The following ADPRHL1 variants were observed in gnomAD, a reference collection of about 807,000 sequenced individuals.
ADPRHL1 encodes the protein inactive ADP-ribosyltransferase ARH2.
In ADPRHL1, 43 loss-of-function variants were observed where a neutral mutation model predicts 44.1. The ratio of observed to expected loss-of-function variants is 0.98; its 90% CI spans 0.76 to 1.26. ADPRHL1 has a LOEUF of 1.26. ADPRHL1 is among the 50% of genes most tolerant of loss of function. The pLI is 0.00. For synonymous variants in ADPRHL1, 878 were observed against 1,017.4 expected, an observed-to-expected ratio of 0.86 and a Z score of 2.61; for missense variants, 2,022 against 2,496.9, an observed-to-expected ratio of 0.81 and a Z score of 4.05.
chr13:113,453,205 C>A lies in ADPRHL1; in HGVS notation c.214+19G>T. The A allele has an allele frequency of 2.5e-6, 4 of 1,612,822 alleles. No individual in the cohort carries two copies. The highest frequency in any genetic ancestry group is 4.5e-5 in the East Asian group (2 of 44,884). On this transcript the variant is annotated intron_variant, in intron 1 of 7. Transcript: ENST00000612156. This position sits in a 1 kb window ranked among gnomAD's most constrained non-coding sequence, Gnocchi z 5.4. ...GTTCCCTCCAGCCCGCACACCGGAG[C>A]GCGGTGGGCCCAGCCTACCTGTGGT...
intron 3 of ADPRHL1, among the ~76,000 whole-genome samples, chr13:113,432,213 TC>T (rs2044012334): frequency 6.6e-6 from 1 of 152,080 alleles, no homozygotes; most frequent in South Asian, 2.1e-4. Flanking sequence ...AGCCCCAACA[TC>T]CTGGGTTCAG....
At chr13:113,448,705 G>C (rs2044159094) in intron 1 of ADPRHL1, among the ~76,000 whole-genome samples, 1 of 152,234 alleles carries the variant, frequency 6.6e-6, no homozygotes, top group South Asian at 2.1e-4. Context: ...CATCCTGCTG[G>C]GCCCTGAAGT....
chr13:113,427,946 A>C (rs752350359), intron 4 of ADPRHL1, among the ~76,000 whole-genome samples: 1 of 152,164 alleles, frequency 6.6e-6, no homozygotes, highest in Non-Finnish European at 1.5e-5. Flanking sequence ...AGGGGAAATA[A>C]AGCGATTCAC....
chr13:113,447,209 C>G (rs1234135010), intron 1 of ADPRHL1, among the ~76,000 whole-genome samples: 1 of 127,248 alleles, frequency 7.9e-6, no homozygotes, highest in African/African-American at 3.2e-5. Flanking sequence ...GTTGTGTGTG[C>G]ATGGCGTCTA....
At position 113,445,969 on chromosome 13, in the gene ADPRHL1, A is replaced by G. The variant is rs554975481; in HGVS notation, c.215-1380T>C. 1.9e-4 allele frequency among the ~76,000 whole-genome samples: 29 copies of G among 151,424 alleles called. No homozygotes were observed. In the South Asian group the frequency reaches 4.6e-3, roughly 24 times the overall value. ...GGACCATGGCTGCAAACCCCTGGAGAGAGTGCACAGGATCCTGAGGCTGCA... is the reference window on the plus strand; with the variant it reads ...GGACCATGGCTGCAAACCCCTGGAGGGAGTGCACAGGATCCTGAGGCTGCA... On this transcript the variant is annotated intron_variant, in intron 1 of 7. Coordinates refer to ENST00000612156, the MANE Select transcript of ADPRHL1 (RefSeq NM_001394807.1).
chr13:113,428,888 A>G (rs1247834130), intron 4 of ADPRHL1, 64 bp downstream of exon 4: 4 of 1,597,784 alleles, frequency 2.5e-6, no homozygotes, highest in Non-Finnish European at 2.6e-6. Flanking sequence ...TTGGGGGCCC[A>G]TGGAGGGGCT....
chr13:113,418,102 G>A (rs1469036997), intron 7 of ADPRHL1, among the ~76,000 whole-genome samples: 1 of 152,196 alleles, frequency 6.6e-6, no homozygotes, highest in Admixed American at 6.5e-5. Context: ...GAGAAGGCTT[G>A]AGTGTGGTTT....
chr13:113,426,206 C>T (rs997680448), intron 4 of ADPRHL1, among the ~76,000 whole-genome samples: 3 of 152,228 alleles, frequency 2.0e-5, no homozygotes, highest in Non-Finnish European at 4.4e-5. Flanking sequence ...ACCCTACAGA[C>T]CACAGGGAAT....
intron 1 of ADPRHL1, among the ~76,000 whole-genome samples, chr13:113,445,864 C>T (rs1268419099): frequency 6.6e-6 from 1 of 151,648 alleles, no homozygotes; most frequent in Non-Finnish European, 1.5e-5. Context: ...ACAGGGCCCC[C>T]ATGGCTGCAA....
At chr13:113,450,779 A>G (rs1017774719) in intron 1 of ADPRHL1, among the ~76,000 whole-genome samples, 1 of 152,222 alleles carries the variant, frequency 6.6e-6, no homozygotes, top group Admixed American at 6.5e-5. Flanking sequence ...TAGAAGGCAG[A>G]GCCAGGTGTA....
rs772734976 is a variant in ADPRHL1, at chr13:113,453,397, C to G, written c.41G>C (p.Gly14Ala). Residue 14 changes from glycine (G) to alanine (A), a missense_variant, in exon 1 of 8, where the codon GGC becomes GCC. Gly to Ala is a moderately conservative substitution (Grantham distance 60, BLOSUM62 0). Coordinates refer to ENST00000612156, the MANE Select transcript of ADPRHL1 (RefSeq NM_001394807.1). This position sits in a 1 kb window ranked among gnomAD's most constrained non-coding sequence, Gnocchi z 5.4. ...FKAAMLLGSV[G>A]DALGYRNVCK... ...GACATTTCTGTAGCCAAGAGCATCG[C>G]CGACGCTCCCCAGCAACATCGCAGC... The G allele has an allele frequency of 6.2e-7, 1 of 1,614,138 alleles. No individual in the cohort carries two copies. Among genetic ancestry groups the G allele is most frequent in the Non-Finnish European group, 8.5e-7 (1 of 1,180,032 alleles).
In ADPRHL1 at chr13:113,406,992, T is replaced by C. The variant is rs142336709; in HGVS notation, c.2290A>G (p.Thr764Ala). Reference sequence around the variant, plus strand: ...TCGCCTGGGGGCCCAGGAGGCCACGTGAGCCTGGCTCCCCTCACCTCCTGG... The same window carrying C: ...TCGCCTGGGGGCCCAGGAGGCCACGCGAGCCTGGCTCCCCTCACCTCCTGG... ...GVQEVRGARL[T>A]WPPGPPGECA... The change falls in exon 8 of 8, where the codon ACG becomes GCG. Residue 764 changes from threonine (T) to alanine (A), a missense_variant. This residue lies in a region of ADPRHL1 where 1,221 missense variants were observed against 1,517.8 expected (regional missense o/e 0.80). Coordinates refer to ENST00000612156, the MANE Select transcript of ADPRHL1 (RefSeq NM_001394807.1). 33,961 of 1,232,262 alleles carry C rather than the reference T, an allele frequency of 0.028. 511 individuals carry two copies. Among genetic ancestry groups the C allele is most frequent in the Non-Finnish European group, 0.031 (30,453 of 988,096 alleles). 76.3% of individuals were successfully genotyped at this position (1,232,262 alleles called of 1,614,324 possible). A position where few individuals can be genotyped will look rare whatever the true frequency, so the allele number is the denominator to read the frequency against.
At chr13:113,420,871 G>A (rs2043912648) in intron 7 of ADPRHL1, among the ~76,000 whole-genome samples, 1 of 149,842 alleles carries the variant, frequency 6.7e-6, no homozygotes, top group Non-Finnish European at 1.5e-5. Context: ...CTAGCCCCAG[G>A]ACCCGCCCAC....
chr13:113,407,042 G>A lies in ADPRHL1; in HGVS notation c.2240C>T (p.Thr747Ile). The change falls in exon 8 of 8, where the codon ACC becomes ATC. Residue 747 changes from threonine (T) to isoleucine (I), a missense_variant. Transcript: ENST00000612156. ...SAGGDGTADP[T>I]AESTAGGVQE... ...GACGCCTCCTGCGGTGCTCTCTGCG[G>A]TGGGGTCTGCAGTCCCATCACCTCC... The A allele has an allele frequency of 8.1e-7, 1 of 1,232,266 alleles. No homozygotes were observed. The highest frequency in any genetic ancestry group is 1.0e-6 in the Non-Finnish European group (1 of 988,066). The allele number at this position is 1,232,266 out of a possible 1,614,324, so 76.3% of individuals were successfully genotyped here.
intron 3 of ADPRHL1, among the ~76,000 whole-genome samples, chr13:113,432,854 G>T (rs537535458): frequency 2.6e-5 from 4 of 152,216 alleles, no homozygotes; most frequent in Non-Finnish European, 4.4e-5. Context: ...AGGACTAAGG[G>T]CCAACTGCAG....
chr13:113,419,645 TCA>T (rs2043905858), intron 7 of ADPRHL1, among the ~76,000 whole-genome samples: 1 of 152,144 alleles, frequency 6.6e-6, no homozygotes, highest in Admixed American at 6.5e-5. Context: ...CAAATGCCAC[TCA>T]CGCGATGGAA....
chr13:113,418,975 TTTCC>T (rs2043899837), intron 7 of ADPRHL1, among the ~76,000 whole-genome samples: 2 of 129,302 alleles, frequency 1.5e-5, no homozygotes, highest in Non-Finnish European at 3.4e-5. Context: ...TGTGCCCTCT[TTTCC>T]TTCCCTCCCT....
At chr13:113,430,658 T>C (rs1566475535) in intron 3 of ADPRHL1, among the ~76,000 whole-genome samples, 1 of 151,350 alleles carries the variant, frequency 6.6e-6, no homozygotes, top group Non-Finnish European at 1.5e-5. Context: ...GCAGCCATAG[T>C]GGTGATGGCT....
At position 113,406,751 on chromosome 13, in the gene ADPRHL1, G is replaced by A. The variant is rs2043812195; in HGVS notation, c.2531C>T (p.Thr844Ile). 2 of 1,231,900 alleles carry A rather than the reference G, an allele frequency of 1.6e-6. No homozygotes were observed. The highest frequency in any genetic ancestry group is 2.0e-6 in the Non-Finnish European group (2 of 987,994). 76.3% of individuals were successfully genotyped at this position (1,231,900 alleles called of 1,614,324 possible). A position where few individuals can be genotyped will look rare whatever the true frequency, so the allele number is the denominator to read the frequency against. ...TQPATEPPRI[T>I]VQIPVVHEMP... is the part of the protein sequence containing the mutation. ...TTCATGGACAACTGGAATTTGGACA[G>A]TTATCCGTGGAGGCTCCGTGGCAGG... is the stretch of plus-strand genomic sequence containing the variant. Residue 844 changes from threonine (T) to isoleucine (I), a missense_variant, in exon 8 of 8, where the codon ACT becomes ATT. Thr to Ile is a moderately conservative substitution (Grantham distance 89). Around this residue, in one of 8 missense-constraint regions of ADPRHL1, gnomAD observed 1,221 missense variants for 1,517.8 expected, o/e 0.80. Transcript: ENST00000612156.
Sources: allele counts gnomAD v4.1 joint callset (sites outside exome capture counted in the v4.1 genomes callset), GRCh38; gene constraint gnomAD v4.1.1; regional missense constraint gnomAD v4.1.1; non-coding constraint Gnocchi (gnomAD v3.1); transcripts MANE v1.5; gene names NCBI Gene and HGNC (gene_info 2026-07-23, HGNC 2026-07-21).